MAJIN: variants seen among roughly 807,000 people sequenced by gnomAD.
MAJIN encodes the protein membrane-anchored junction protein.
MAJIN carries 27 observed loss-of-function variants against 30.2 expected under a neutral mutation model. The ratio of observed to expected loss-of-function variants is 0.89; its 90% CI spans 0.66 to 1.23. MAJIN has a LOEUF of 1.23. MAJIN is among the 50% of genes most tolerant of loss of function. The probability of loss-of-function intolerance (pLI) is 0.00; values close to 1 mark genes in which losing one functional copy is unlikely to be tolerated. For synonymous variants in MAJIN, 78 were observed against 91.6 expected, an observed-to-expected ratio of 0.85 and a Z score of 0.85; for missense variants, 253 against 260.3, an observed-to-expected ratio of 0.97 and a Z score of 0.19.
intron 8 of MAJIN, among the ~76,000 whole-genome samples, chr11:64,941,147 G>A (rs1022816266): frequency 5.9e-5 from 9 of 151,896 alleles, no homozygotes; most frequent in Admixed American, 1.3e-4. Context: ...CAGGACTGTC[G>A]TTTTTTCATT....
At chr11:64,963,202 G>A (rs747117121) in intron 1 of MAJIN, among the ~76,000 whole-genome samples, 3 of 152,156 alleles carry the variant, frequency 2.0e-5, no homozygotes, top group Non-Finnish European at 4.4e-5. Flanking sequence ...CAGCACATAC[G>A]TGCAAAACTG....
At position 64,950,439 on chromosome 11, in the gene MAJIN, C is replaced by G; in HGVS notation, c.148-9G>C. The G allele has an allele frequency of 1.2e-6, 2 of 1,605,684 alleles. No individual in the cohort carries two copies. The highest frequency in any genetic ancestry group is 1.7e-6 in the Non-Finnish European group (2 of 1,174,428). On this transcript the variant is annotated splice_polypyrimidine_tract_variant and intron_variant, in intron 4 of 10. Coordinates refer to ENST00000301896, the MANE Select transcript of MAJIN (RefSeq NM_001037225.3). Reference sequence around the variant, plus strand: ...ACCACGCGGACAGAATCCTGAAAAACATATTTGAAATGACTTTAACACTGT... The same window carrying G: ...ACCACGCGGACAGAATCCTGAAAAAGATATTTGAAATGACTTTAACACTGT...
intron 1 of MAJIN, among the ~76,000 whole-genome samples, chr11:64,967,210 C>T (rs112313565): frequency 0.046 from 6,949 of 151,998 alleles, 184 homozygotes; most frequent in Middle Eastern, 0.065. Context: ...GAGTTCGAGA[C>T]GAACCTGGCC....
intron 1 of MAJIN, among the ~76,000 whole-genome samples, chr11:64,961,746 G>A (rs1590705453): frequency 6.6e-6 from 1 of 150,690 alleles, no homozygotes; most frequent in South Asian, 2.1e-4. Context: ...AAAGTGCTGG[G>A]ATTACAGGCA....
rs140367215 is a variant in MAJIN, at chr11:64,946,838, A to G, written c.473+536T>C. 4.6e-3 allele frequency among the ~76,000 whole-genome samples: 693 copies of G among 152,284 alleles called. 4 individuals are homozygous for G. Among genetic ancestry groups the G allele is most frequent in the African/African-American group, 0.016 (663 of 41,546 alleles). On this transcript the variant is annotated intron_variant, in intron 8 of 10. Transcript: ENST00000301896. ...AAGAACATAAGTAGCCTCCACAATA[A>G]AAATATGTTAGGGATGTACTCAACA... is the stretch of plus-strand genomic sequence containing the variant.
intron 1 of MAJIN, among the ~76,000 whole-genome samples, chr11:64,971,546 C>T (rs1401377114): frequency 6.6e-6 from 1 of 151,746 alleles, no homozygotes; most frequent in Admixed American, 6.6e-5. Flanking sequence ...AGTCGGCGGA[C>T]GACAGCAGGG....
rs371798741 is a variant in MAJIN, at chr11:64,967,233, G to C, written c.-65+4644C>G. Among the ~76,000 whole-genome samples the C allele has an allele frequency of 4.6e-5, 7 of 151,904 alleles. No individual in the cohort carries two copies. The East Asian group carries it at 1.2e-3, about 25-fold the overall frequency. On this transcript the variant is annotated intron_variant, in intron 1 of 10. Coordinates refer to ENST00000301896, the MANE Select transcript of MAJIN (RefSeq NM_001037225.3). ...GACGAACCTGGCCAACGTGGTGAAA[G>C]CCCGCCTCTACTAGAATATAAAAAT...
Position 64,950,412 on chromosome 11 carries a change from A to G in MAJIN, c.166T>C (p.Leu56=). ...QELEDSVRVV[L]GNLDNLQPFA... ...GGCTGAAGATTGTCCAAGTTTCCCA[A>G]GACCACGCGGACAGAATCCTGAAAA... is the stretch of plus-strand genomic sequence containing the variant. Residue 56 remains leucine (L), a synonymous_variant, in exon 5 of 11, where the codon TTG becomes CTG. Coordinates refer to ENST00000301896, the MANE Select transcript of MAJIN (RefSeq NM_001037225.3). 1 of 1,613,464 alleles carries G rather than the reference A, an allele frequency of 6.2e-7. No homozygotes were observed. Among genetic ancestry groups the G allele is most frequent in the Non-Finnish European group, 8.5e-7 (1 of 1,179,656 alleles).
intron 10 of MAJIN, among the ~76,000 whole-genome samples, chr11:64,938,777 T>TGGCAGAGAGAGAGAGA (rs1945326911): frequency 6.6e-6 from 1 of 152,284 alleles, no homozygotes; most frequent in Middle Eastern, 3.4e-3. Context: ...TGCAATGGGA[T>TGGCAGAGAGAGAGAGA]GGCAGAGAGA....
intron 3 of MAJIN, among the ~76,000 whole-genome samples, chr11:64,957,863 AC>A (rs1945660434): frequency 6.6e-6 from 1 of 151,044 alleles, no homozygotes; most frequent in Non-Finnish European, 1.5e-5. Flanking sequence ...TGCCTGGCTC[AC>A]TAAATATAAC....
chr11:64,951,260 T>C (rs1035969830), intron 4 of MAJIN, among the ~76,000 whole-genome samples: 2 of 152,220 alleles, frequency 1.3e-5, no homozygotes. Flanking sequence ...TGATATACAG[T>C]ATTTTGCTTT....
intron 6 of MAJIN, among the ~76,000 whole-genome samples, chr11:64,949,081 G>C (rs1192638885): frequency 1.3e-5 from 2 of 151,036 alleles, no homozygotes; most frequent in Non-Finnish European, 3.0e-5. Context: ...CCAGTGTTTT[G>C]GGAGGCCGAG....
At chr11:64,951,171 T>C (rs77034261) in intron 4 of MAJIN, among the ~76,000 whole-genome samples, 6,207 of 152,324 alleles carry the variant, frequency 0.041, 158 homozygotes, top group Middle Eastern at 0.065. Context: ...ATCCCTTCTA[T>C]GGTGTCTACC....
At chr11:64,947,156 A>G (rs561015984) in intron 8 of MAJIN, among the ~76,000 whole-genome samples, 2 of 152,332 alleles carry the variant, frequency 1.3e-5, no homozygotes, top group South Asian at 4.1e-4. Flanking sequence ...CTTCATCTTG[A>G]AAAGAAAAAT....
intron 1 of MAJIN, among the ~76,000 whole-genome samples, chr11:64,967,267 C>T (rs11231910): frequency 0.016 from 2,452 of 150,552 alleles, 81 homozygotes; most frequent in African/African-American, 0.056. Flanking sequence ...ATTAACCGGG[C>T]GTGGTGGTGG....
chr11:64,941,832 G>A (rs1019303467), intron 8 of MAJIN, among the ~76,000 whole-genome samples: 1 of 152,162 alleles, frequency 6.6e-6, no homozygotes. Context: ...TGACGGGGGT[G>A]AGGAGATGGT....
At chr11:64,966,820 G>A (rs910073848) in intron 1 of MAJIN, among the ~76,000 whole-genome samples, 2 of 151,584 alleles carry the variant, frequency 1.3e-5, no homozygotes, top group African/African-American at 4.8e-5. Context: ...TGTAATTCCA[G>A]CTACTCAGGG....
At chr11:64,938,890 C>T (rs1328555905) in intron 10 of MAJIN, among the ~76,000 whole-genome samples, 3 of 152,160 alleles carry the variant, frequency 2.0e-5, no homozygotes, top group African/African-American at 7.2e-5. Context: ...CTGAATGGCT[C>T]AAGTAAACTA....
In MAJIN at chr11:64,963,926, G is replaced by C. The variant is rs1240465172; in HGVS notation, c.-64-3791C>G. On this transcript the variant is annotated intron_variant, in intron 1 of 10. Coordinates refer to ENST00000301896, the MANE Select transcript of MAJIN (RefSeq NM_001037225.3). The stretch of plus-strand genomic sequence containing the variant: ...ACCTGTGTTTTAGAAATGAGATTGA[G>C]GACAGATGACTAGCTGCTCCTTCCA... 1.6e-4 allele frequency among the ~76,000 whole-genome samples: 24 copies of C among 152,092 alleles called. 1 individual carries two copies. The highest frequency in any genetic ancestry group is 1.0e-4 in the Non-Finnish European group (7 of 68,020).
Sources: gnomAD v4.1 joint callset for allele counts (sites outside exome capture counted in the v4.1 genomes callset) on GRCh38, gnomAD v4.1.1 for gene constraint, MANE v1.5 for transcripts, NCBI Gene and HGNC (gene_info 2026-07-23, HGNC 2026-07-21) for gene names.